Variants in CMKLR2 observed in about 807,000 individuals in gnomAD.
CMKLR2 encodes the protein chemerin chemokine-like receptor 2, also known as chemerin-like receptor 2.
In CMKLR2, 18 loss-of-function variants were observed where a neutral mutation model predicts 23.0. The ratio of observed to expected loss-of-function variants is 0.78; its 90% CI spans 0.54 to 1.16. The LOEUF is 1.16. CMKLR2 is among the 50% of genes most tolerant of loss of function. The pLI is 0.00. For missense variants in CMKLR2, 401 were observed against 412.7 expected (o/e 0.97, Z 0.25); for synonymous variants, 158 against 158.9 (o/e 0.99, Z 0.05).
At chr2:206,205,519 C>T (rs1049206511) in intron 1 of CMKLR2, among the ~76,000 whole-genome samples, 7 of 151,574 alleles carry the variant, frequency 4.6e-5, no homozygotes, top group Admixed American at 4.6e-4. Context: ...CTCACCACCA[C>T]ACCCGGCTAA....
In CMKLR2 at chr2:206,175,954, A is replaced by C. The variant is rs1353961564; in HGVS notation, c.*226T>G. On this transcript the variant is annotated 3_prime_UTR_variant, in exon 2 of 2. Coordinates refer to ENST00000621141, the MANE Select transcript of CMKLR2 (RefSeq NM_001389445.1). ...AAAAAAATTATGCGGATCCTTCCTA[A>C]GTATTTTCAGTTTTTTAAAAAAAAT... is the stretch of plus-strand genomic sequence containing the variant. 5.0e-6 allele frequency: 2 copies of C among 397,828 alleles called. No homozygotes were observed. The highest frequency in any genetic ancestry group is 8.9e-6 in the Non-Finnish European group (2 of 225,450). The allele number at this position is 397,828 out of a possible 1,614,324, so 24.6% of individuals were successfully genotyped here.
chr2:206,187,927 T>A (rs1688632470), intron 1 of CMKLR2, among the ~76,000 whole-genome samples: 1 of 152,120 alleles, frequency 6.6e-6, no homozygotes, highest in South Asian at 2.1e-4. Flanking sequence ...AGACAGAGTC[T>A]CTTTCTGTCA....
chr2:206,207,428 C>T (rs1225772664), intron 1 of CMKLR2, among the ~76,000 whole-genome samples: 1 of 152,116 alleles, frequency 6.6e-6, no homozygotes, highest in South Asian at 2.1e-4. Flanking sequence ...GTATGAGACA[C>T]CATGCCTGGC....
At chr2:206,192,867 A>G (rs955520734) in intron 1 of CMKLR2, among the ~76,000 whole-genome samples, 2 of 152,208 alleles carry the variant, frequency 1.3e-5, no homozygotes, top group African/African-American at 4.8e-5. Context: ...TCCCTGATAT[A>G]AAATAGTATA....
chr2:206,202,496 A>C (rs1001619969), intron 1 of CMKLR2, among the ~76,000 whole-genome samples: 5 of 152,170 alleles, frequency 3.3e-5, no homozygotes, highest in Non-Finnish European at 4.4e-5. Context: ...GGTCTGGCTC[A>C]GTTGCCCAGA....
chr2:206,180,569 G>C (rs1003700358), intron 1 of CMKLR2, among the ~76,000 whole-genome samples: 2 of 151,802 alleles, frequency 1.3e-5, no homozygotes, highest in East Asian at 3.9e-4. Flanking sequence ...CAAGTAGCTG[G>C]GACTACAGAA....
At chr2:206,190,326 C>T (rs1025679871) in intron 1 of CMKLR2, among the ~76,000 whole-genome samples, 4 of 152,238 alleles carry the variant, frequency 2.6e-5, no homozygotes, top group East Asian at 1.9e-4. Context: ...GATTTTATTC[C>T]ATTGCTCCCA....
At chr2:206,182,384 T>C (rs1194729209) in intron 1 of CMKLR2, among the ~76,000 whole-genome samples, 2 of 152,162 alleles carry the variant, frequency 1.3e-5, no homozygotes, top group Non-Finnish European at 2.9e-5. Context: ...ACACGTTATG[T>C]TGTCATTAAT....
chr2:206,201,724 A>G (rs1387532474), intron 1 of CMKLR2, among the ~76,000 whole-genome samples: 1 of 152,020 alleles, frequency 6.6e-6, no homozygotes, highest in African/African-American at 2.4e-5. Flanking sequence ...ATCCAATTCT[A>G]CTTGAACTGA....
chr2:206,184,940 G>GA (rs1688534511), intron 1 of CMKLR2, among the ~76,000 whole-genome samples: 1 of 152,142 alleles, frequency 6.6e-6, no homozygotes, highest in Non-Finnish European at 1.5e-5. Context: ...ACAGAAAGAT[G>GA]AAAAAATTGA....
chr2:206,202,684 G>T (rs1466965319), intron 1 of CMKLR2, among the ~76,000 whole-genome samples: 2 of 152,112 alleles, frequency 1.3e-5, no homozygotes, highest in African/African-American at 2.4e-5. Context: ...GCCTCATTCG[G>T]GTGGGGATGG....
chr2:206,194,659 C>T lies in CMKLR2; in HGVS notation c.-28-17384G>A, dbSNP rs113682769. ...CCATGTCGGCCAGGCTGATCTTGAA[C>T]CCCTGGCCTCAAGTGATCTGTCCGC... On this transcript the variant is annotated intron_variant, in intron 1 of 1. Transcript: ENST00000621141. Among the ~76,000 whole-genome samples the T allele has an allele frequency of 5.3e-3, 809 of 151,974 alleles. 8 individuals carry two copies. Among genetic ancestry groups the T allele is most frequent in the African/African-American group, 0.019 (770 of 41,470 alleles).
In CMKLR2 at chr2:206,177,016, TGAG is replaced by T. The variant is rs757108551; in HGVS notation, c.229_231del (p.Leu77del). 12 of 1,614,132 alleles carry T rather than the reference TGAG, an allele frequency of 7.4e-6. No individual in the cohort carries two copies. The highest frequency in any genetic ancestry group is 1.6e-4 in the Middle Eastern group (1 of 6,062). ...AAAATGAAATCCGCAATGGCTAGAT[TGAG>T]GAACCACAGAGTGGTGACTGTCTTC... is the stretch of plus-strand genomic sequence containing the variant. On this transcript the variant is annotated inframe_deletion, in exon 2 of 2. Coordinates refer to ENST00000621141, the MANE Select transcript of CMKLR2 (RefSeq NM_001389445.1).
intron 1 of CMKLR2, among the ~76,000 whole-genome samples, chr2:206,211,599 T>A (rs1222490736): frequency 6.6e-6 from 1 of 152,064 alleles, no homozygotes; most frequent in African/African-American, 2.4e-5. Flanking sequence ...CCTGAACAGT[T>A]ACTGTCACTA....
At chr2:206,207,931 A>G (rs1017453032) in intron 1 of CMKLR2, among the ~76,000 whole-genome samples, 4 of 150,688 alleles carry the variant, frequency 2.7e-5, no homozygotes, top group Non-Finnish European at 4.4e-5. Flanking sequence ...TAGTAGAGAC[A>G]GTTTCTCCAT....
upstream of CMKLR2, among the ~76,000 whole-genome samples, chr2:206,216,152 T>G: frequency 6.6e-6 from 1 of 152,182 alleles, no homozygotes; most frequent in East Asian, 1.9e-4. Context: ...ATTATTTTTA[T>G]TTTTAAAAAT....
chr2:206,211,802 T>A (rs1689576558), intron 1 of CMKLR2, among the ~76,000 whole-genome samples: 1 of 140,880 alleles, frequency 7.1e-6, no homozygotes. Context: ...ATATAAGCCC[T>A]AAATTCTAAC....
intron 1 of CMKLR2, among the ~76,000 whole-genome samples, chr2:206,187,071 G>T (rs1688603426): frequency 1.3e-5 from 2 of 152,066 alleles, no homozygotes; most frequent in African/African-American, 4.8e-5. Context: ...TGAAGGCCAG[G>T]CCCAGTAGCT....
Position 206,177,238 on chromosome 2 carries a change from A to T in CMKLR2, c.10T>A (p.Leu4Met). 1 of 1,593,562 alleles carries T rather than the reference A, an allele frequency of 6.3e-7. No individual in the cohort carries two copies. The highest frequency in any genetic ancestry group is 1.3e-5 in the African/African-American group (1 of 74,464). ...AATTCTTCAAATAATGTTTCCTCCA[A>T]ATCTTCCATGACCTTGCTAAATGGA... MED[L>M]EETLFEEFEN... is the part of the protein sequence containing the mutation. Residue 4 changes from leucine (L) to methionine (M), a missense_variant, in exon 2 of 2, where the codon TTG becomes ATG. Physicochemically the swap from Leu to Met is conservative, Grantham distance 15. Coordinates refer to ENST00000621141, the MANE Select transcript of CMKLR2 (RefSeq NM_001389445.1).
Sources: gnomAD v4.1 joint callset for allele counts (sites outside exome capture counted in the v4.1 genomes callset) on GRCh38, gnomAD v4.1.1 for gene constraint, MANE v1.5 for transcripts, NCBI Gene and HGNC (gene_info 2026-07-23, HGNC 2026-07-21) for gene names.